ETV6: variants seen among roughly 807,000 people sequenced by gnomAD.
ETV6 encodes the protein transcription factor ETV6.
Under a neutral mutation model 51.1 loss-of-function variants are expected in ETV6, and 16 were observed. That is an observed-to-expected ratio of 0.31 (90% CI 0.21 to 0.48). The LOEUF (loss-of-function observed/expected upper bound fraction) is 0.48, where lower values mean the gene tolerates loss of function less well. Among genes scored for constraint, ETV6 ranks in the 20% least tolerant of loss-of-function variants. The pLI is 0.99. For synonymous variants in ETV6, 240 were observed against 224.1 expected (o/e 1.07, Z -0.64); for missense variants, 458 against 594.8 (o/e 0.77, Z 2.39).
At chr12:11,688,362 G>A (rs536804143) in intron 1 of ETV6, among the ~76,000 whole-genome samples, 1 of 152,318 alleles carries the variant, frequency 6.6e-6, no homozygotes, top group African/African-American at 2.4e-5. Context: ...GAGGAATGTT[G>A]GGTGCATTGC....
chr12:11,824,703 C>A (rs990979600), intron 2 of ETV6, among the ~76,000 whole-genome samples: 2 of 152,010 alleles, frequency 1.3e-5, no homozygotes, highest in African/African-American at 4.8e-5. Context: ...ACCCTGGAGG[C>A]GGAAGTTGCT....
intron 1 of ETV6, among the ~76,000 whole-genome samples, chr12:11,739,581 T>C (rs1164365260): frequency 1.3e-5 from 2 of 152,250 alleles, no homozygotes; most frequent in African/African-American, 4.8e-5. Flanking sequence ...AGATCAAGTA[T>C]TTCCAGCAAA....
chr12:11,859,119 GTTTTTT>G (rs71057773), intron 4 of ETV6, among the ~76,000 whole-genome samples: 21 of 66,074 alleles, frequency 3.2e-4, no homozygotes, highest in African/African-American at 1.3e-3. Context: ...TATGAATCTG[GTTTTTT>G]TTTTTTTTTT....
intron 1 of ETV6, among the ~76,000 whole-genome samples, chr12:11,716,330 C>CAAAAAAAAAA (rs3049068): frequency 1.7e-5 from 1 of 58,118 alleles, no homozygotes; most frequent in African/African-American, 6.2e-5. Context: ...GACTCCTTCT[C>CAAAAAAAAAA]AAAAAAAAAA....
At position 11,794,725 on chromosome 12, in the gene ETV6, G is replaced by A. The variant is rs185970894; in HGVS notation, c.163+42146G>A. On this transcript the variant is annotated intron_variant, in intron 2 of 7. Coordinates refer to ENST00000396373, the MANE Select transcript of ETV6 (RefSeq NM_001987.5). Reference sequence around the variant, plus strand: ...TTCAGATTTGTGGGGATTAGTAGAAGTCTGCATTTTGGCAGGAGAAAACCA... The same window carrying A: ...TTCAGATTTGTGGGGATTAGTAGAAATCTGCATTTTGGCAGGAGAAAACCA... Among the ~76,000 whole-genome samples the A allele has an allele frequency of 1.6e-3, 248 of 152,316 alleles. 1 individual carries two copies. The highest frequency in any genetic ancestry group is 2.8e-3 in the Non-Finnish European group (193 of 68,022).
At position 11,668,661 on chromosome 12, in the gene ETV6, G is replaced by A. The variant is rs150950185; in HGVS notation, c.33+18501G>A. Among the ~76,000 whole-genome samples the A allele has an allele frequency of 6.2e-3, 949 of 152,250 alleles. 5 individuals carry two copies. Among genetic ancestry groups the A allele is most frequent in the Non-Finnish European group, 0.01 (696 of 68,010 alleles). On this transcript the variant is annotated intron_variant, in intron 1 of 7. Coordinates refer to ENST00000396373, the MANE Select transcript of ETV6 (RefSeq NM_001987.5). The stretch of plus-strand genomic sequence containing the variant: ...TAGTTAGTATGTTTTTCTTTCTTCT[G>A]GATGAAAGTTGCAAGGACACTTAAG...
At chr12:11,881,690 A>G (rs1306350023) in intron 5 of ETV6, among the ~76,000 whole-genome samples, 1 of 152,200 alleles carries the variant, frequency 6.6e-6, no homozygotes, top group East Asian at 1.9e-4. Context: ...ATTTCAACAG[A>G]TGAATTTGGG....
chr12:11,885,289 CTG>C (rs887872474), intron 6 of ETV6, among the ~76,000 whole-genome samples: 3 of 152,182 alleles, frequency 2.0e-5, no homozygotes, highest in Non-Finnish European at 2.9e-5. Context: ...GTGCCCAGAC[CTG>C]CAGCCTTCTA....
At chr12:11,702,406 C>T (rs1027441105) in intron 1 of ETV6, among the ~76,000 whole-genome samples, 3 of 152,150 alleles carry the variant, frequency 2.0e-5, no homozygotes, top group Admixed American at 2.0e-4. Context: ...TACAAGATAG[C>T]TGGACAGGTT....
rs1946839683 is a variant in ETV6 at position 11,869,296 on chromosome 12, C to T, written c.464-128C>T. 1 of 782,036 alleles carries T rather than the reference C, an allele frequency of 1.3e-6. No individual in the cohort carries two copies. Among genetic ancestry groups the T allele is most frequent in the South Asian group, 1.8e-5 (1 of 56,426 alleles). The allele number at this position is 782,036 out of a possible 1,614,324, so 48.4% of individuals were successfully genotyped here. On this transcript the variant is annotated intron_variant, in intron 4 of 7. Coordinates refer to ENST00000396373, the MANE Select transcript of ETV6 (RefSeq NM_001987.5). The surrounding 1 kb of genome is among the most constrained non-coding windows in gnomAD (Gnocchi z 5.0). The stretch of plus-strand genomic sequence containing the variant: ...TTGTTAAGCAGTGAAAAAGACACTG[C>T]ATTCTGGGGAGAAAGGTCCTTTACA...
At chr12:11,733,120 C>G (rs11054432) in intron 1 of ETV6, among the ~76,000 whole-genome samples, 2,844 of 152,212 alleles carry the variant, frequency 0.019, 51 homozygotes, top group Non-Finnish European at 0.029. Flanking sequence ...TAATATTAAC[C>G]ACTTTGGGCT....
At chr12:11,874,684 G>GTA (rs148307389) in intron 5 of ETV6, among the ~76,000 whole-genome samples, 12,375 of 14,078 alleles carry the variant, frequency 0.88, 5,790 homozygotes, top group Middle Eastern at 1. Flanking sequence ...GTGTATATAT[G>GTA]TATATGTGTG....
intron 2 of ETV6, among the ~76,000 whole-genome samples, chr12:11,756,229 C>G (rs1945005471): frequency 1.3e-5 from 2 of 152,078 alleles, no homozygotes; most frequent in Non-Finnish European, 1.5e-5. Context: ...AAGAGGAGAG[C>G]CCAGGGAAGA....
rs545853773 is a variant in ETV6, at chr12:11,855,330, G to A, written c.463+1769G>A. 2.2e-4 allele frequency among the ~76,000 whole-genome samples: 33 copies of A among 152,056 alleles called. 1 individual carries two copies. The South Asian group carries it at 6.7e-3, about 31-fold the overall frequency. On this transcript the variant is annotated intron_variant, in intron 4 of 7. Transcript: ENST00000396373. ...CAAAAACACCAAACCAAAGCGAAAG[G>A]AAACCTTACTTGAGCACCATTGCAT...
In ETV6 at chr12:11,733,474, G is replaced by A. The variant is rs990487021; in HGVS notation, c.34-18976G>A. Among the ~76,000 whole-genome samples the A allele has an allele frequency of 2.0e-5, 3 of 150,188 alleles. No homozygotes were observed. In the East Asian group the frequency reaches 5.8e-4, roughly 29 times the overall value. Reference sequence around the variant, plus strand: ...TCTTAGCCCTTCAAGCCCCCGCACCGTGTTTTCTGACATATCATCTTGTTT... The same window carrying A: ...TCTTAGCCCTTCAAGCCCCCGCACCATGTTTTCTGACATATCATCTTGTTT... On this transcript the variant is annotated intron_variant, in intron 1 of 7. Coordinates refer to ENST00000396373, the MANE Select transcript of ETV6 (RefSeq NM_001987.5).
At chr12:11,859,008 G>A (rs1946672149) in intron 4 of ETV6, among the ~76,000 whole-genome samples, 1 of 151,060 alleles carries the variant, frequency 6.6e-6, no homozygotes, top group Admixed American at 6.6e-5. Context: ...GAGGGGAATC[G>A]TACCCCTCCT....
intron 2 of ETV6, among the ~76,000 whole-genome samples, chr12:11,823,838 C>T (rs1207322614): frequency 6.6e-6 from 1 of 152,090 alleles, no homozygotes; most frequent in Non-Finnish European, 1.5e-5. Context: ...AGAAGCCATT[C>T]AGCCCCCCTT....
At chr12:11,856,936 T>C (rs1382912679) in intron 4 of ETV6, among the ~76,000 whole-genome samples, 3 of 152,248 alleles carry the variant, frequency 2.0e-5, no homozygotes, top group East Asian at 3.8e-4. Context: ...TGACACATGT[T>C]GCTGCCAACT....
In ETV6 at chr12:11,681,272, G is replaced by A. The variant is rs1183609495; in HGVS notation, c.33+31112G>A. On this transcript the variant is annotated intron_variant, in intron 1 of 7. Coordinates refer to ENST00000396373, the MANE Select transcript of ETV6 (RefSeq NM_001987.5). Reference sequence around the variant, plus strand: ...TCCCTTACAGTGTACTACAGATTTGGGGTCTGTGGTCTTAAGTGAACATTT... The same window carrying A: ...TCCCTTACAGTGTACTACAGATTTGAGGTCTGTGGTCTTAAGTGAACATTT... 2.6e-5 allele frequency among the ~76,000 whole-genome samples: 4 copies of A among 152,092 alleles called. No individual in the cohort carries two copies. In the South Asian group the frequency reaches 6.2e-4, roughly 24 times the overall value.
Sources: gnomAD v4.1 joint callset for allele counts (sites outside exome capture counted in the v4.1 genomes callset) on GRCh38, gnomAD v4.1.1 for gene constraint, Gnocchi (gnomAD v3.1) non-coding constraint, MANE v1.5 for transcripts, NCBI Gene and HGNC (gene_info 2026-07-23, HGNC 2026-07-21) for gene names.